HNF1B: variants seen among roughly 807,000 people sequenced by gnomAD.
HNF1B encodes hepatocyte nuclear factor 1-beta.
Under a neutral mutation model 61.7 loss-of-function variants are expected in HNF1B, and 8 were observed. The observed-to-expected ratio is 0.13, with a 90% CI of 0.08 to 0.23. The LOEUF (loss-of-function observed/expected upper bound fraction) is 0.23, where lower values mean the gene tolerates loss of function less well. Ranked by LOEUF, HNF1B falls within the 10% of genes least tolerant of loss-of-function variation. HNF1B has a pLI of 1.00. For missense variants in HNF1B, 562 were observed against 714.5 expected, an observed-to-expected ratio of 0.79 and a Z score of 2.43; for synonymous variants, 314 against 287.7, an observed-to-expected ratio of 1.09 and a Z score of -0.93.
intron 2 of HNF1B, 86 bp from the exon 3 acceptor site, chr17:37,733,907 A>G (rs2033762964): frequency 6.8e-7 from 1 of 1,477,544 alleles, no homozygotes; most frequent in East Asian, 2.3e-5. Flanking sequence ...ACGGACGAAG[A>G]CACCTTTATT....
intron 2 of HNF1B, among the ~76,000 whole-genome samples, chr17:37,738,010 G>T (rs992482571): frequency 2.0e-5 from 3 of 152,154 alleles, no homozygotes; most frequent in African/African-American, 7.2e-5. Context: ...CCTTTCTGAA[G>T]AAATTCTCAT....
In HNF1B at chr17:37,744,976, G is replaced by A; in HGVS notation, c.-92C>T. 8.9e-7 allele frequency: 1 copy of A among 1,120,704 alleles called. No individual in the cohort carries two copies. Among genetic ancestry groups the A allele is most frequent in the South Asian group, 1.4e-5 (1 of 71,280 alleles). The allele number at this position is 1,120,704 out of a possible 1,614,324, so 69.4% of individuals were successfully genotyped here. On this transcript the variant is annotated 5_prime_UTR_variant, in exon 1 of 9. Coordinates refer to ENST00000617811, the MANE Select transcript of HNF1B (RefSeq NM_000458.4). ...GTTTCACAAGCAAACCCCAAATCCAGGAACCCCTCCACCCTTCAGCCTCCA... is the reference window on the plus strand; with the variant it reads ...GTTTCACAAGCAAACCCCAAATCCAAGAACCCCTCCACCCTTCAGCCTCCA...
intron 4 of HNF1B, among the ~76,000 whole-genome samples, chr17:37,711,253 G>A (rs957213321): frequency 1.3e-5 from 2 of 152,218 alleles, no homozygotes; most frequent in African/African-American, 4.8e-5. Flanking sequence ...CACAGGCAGA[G>A]CAGGACAGGG....
chr17:37,713,839 CCT>C (rs1358504423), intron 4 of HNF1B, among the ~76,000 whole-genome samples: 3 of 152,210 alleles, frequency 2.0e-5, no homozygotes, highest in Admixed American at 6.5e-5. Flanking sequence ...ATCACTGGCC[CCT>C]GAGAGGGTGG....
At chr17:37,701,215 G>A (rs2032560443) in intron 6 of HNF1B, 38 bp from the exon 7 acceptor site, 3 of 1,536,674 alleles carry the variant, frequency 2.0e-6, no homozygotes, top group Non-Finnish European at 2.6e-6. Context: ...GACAGCTCCT[G>A]GGATAAGGAG....
chr17:37,707,770 T>TC (rs201708155), intron 5 of HNF1B, among the ~76,000 whole-genome samples: 4 of 100,338 alleles, frequency 4.0e-5, no homozygotes, highest in Non-Finnish European at 7.8e-5. Flanking sequence ...GTTCTCTCTC[T>TC]TTTTTTTTTT....
chr17:37,695,552 A>G (rs4635384), intron 8 of HNF1B, among the ~76,000 whole-genome samples: 72,210 of 152,140 alleles, frequency 0.47, 19,096 homozygotes, highest in African/African-American at 0.72. Context: ...TCTAGACCTC[A>G]GAATGGTAAA....
intron 4 of HNF1B, among the ~76,000 whole-genome samples, chr17:37,727,842 G>A (rs1312781286): frequency 6.6e-6 from 1 of 152,158 alleles, no homozygotes; most frequent in Non-Finnish European, 1.5e-5. Context: ...GGTGCTGCCA[G>A]CCCTCCTGGC....
intron 7 of HNF1B, 111 bp downstream of exon 7, chr17:37,700,872 G>A (rs955848482): frequency 1.0e-6 from 1 of 1,002,770 alleles, no homozygotes; most frequent in Non-Finnish European, 1.5e-6. Context: ...CATAGGCAGG[G>A]AAAAGTGACC....
At chr17:37,730,014 A>ACCTGCTCCCTGTC (rs1555829031) in intron 4 of HNF1B, 1 of 153,126 alleles carries the variant, frequency 6.5e-6, no homozygotes, top group African/African-American at 2.4e-5. Flanking sequence ...TCCTGTCAGC[A>ACCTGCTCCCTGTC]CACAGGATGC....
chr17:37,743,821 G>A (rs1333663407), intron 1 of HNF1B, among the ~76,000 whole-genome samples: 1 of 152,234 alleles, frequency 6.6e-6, no homozygotes, highest in African/African-American at 2.4e-5. Context: ...TTCTCAGACT[G>A]AGACCAGATC....
intron 2 of HNF1B, among the ~76,000 whole-genome samples, chr17:37,737,302 T>C (rs768947803): frequency 1.3e-5 from 2 of 152,212 alleles, no homozygotes; most frequent in Non-Finnish European, 1.5e-5. Flanking sequence ...CCAGGCAATT[T>C]AGCAATTCCT....
chr17:37,700,670 T>A (rs372704129), intron 7 of HNF1B, among the ~76,000 whole-genome samples: 1 of 152,300 alleles, frequency 6.6e-6, no homozygotes, highest in East Asian at 1.9e-4. Flanking sequence ...CGCGATCTTT[T>A]CCAGAGGTGT....
chr17:37,691,158 A>G (rs1456557020), intron 8 of HNF1B, among the ~76,000 whole-genome samples: 1 of 152,194 alleles, frequency 6.6e-6, no homozygotes, highest in East Asian at 1.9e-4. Flanking sequence ...CATTGGTTTC[A>G]GCAGCATGGA....
chr17:37,693,697 G>A (rs2032283365), intron 8 of HNF1B, among the ~76,000 whole-genome samples: 1 of 152,188 alleles, frequency 6.6e-6, no homozygotes. Context: ...CTAGTGATAT[G>A]GTTTAGATGT....
intron 4 of HNF1B, among the ~76,000 whole-genome samples, chr17:37,721,678 C>T (rs1354167835): frequency 6.6e-6 from 1 of 151,752 alleles, no homozygotes; most frequent in Non-Finnish European, 1.5e-5. Context: ...TCCATCTGGC[C>T]TAGTAATGTC....
At chr17:37,740,139 T>TTTTA (rs1234955577) in intron 1 of HNF1B, among the ~76,000 whole-genome samples, 2 of 151,980 alleles carry the variant, frequency 1.3e-5, no homozygotes, top group Non-Finnish European at 2.9e-5. Flanking sequence ...CAGCTAAATT[T>TTTTA]TTTATTTTTA....
intron 4 of HNF1B, among the ~76,000 whole-genome samples, chr17:37,719,104 A>C (rs934324564): frequency 8.7e-6 from 1 of 114,328 alleles, no homozygotes; most frequent in African/African-American, 3.7e-5. Flanking sequence ...ATGCCTGGCT[A>C]ATTTATTAAT....
At position 37,731,674 on chromosome 17, in the gene HNF1B, C is replaced by G; in HGVS notation, c.966G>C (p.Gln322His). 1 of 1,614,114 alleles carries G rather than the reference C, an allele frequency of 6.2e-7. No homozygotes were observed. Among genetic ancestry groups the G allele is most frequent in the Non-Finnish European group, 8.5e-7 (1 of 1,180,020 alleles). ...AGAGCAGAGGGTTCAGGCTGTGAGT[C>G]TGGTTGGAGCTATAGGCGTCCATGG... ...KLAMDAYSSN[Q>H]THSLNPLLSH... Residue 322 changes from glutamine (Q) to histidine (H), a missense_variant, in exon 4 of 9, where the codon CAG (glutamine) becomes CAC (histidine). Coordinates refer to ENST00000617811, the MANE Select transcript of HNF1B (RefSeq NM_000458.4).
Sources: allele counts gnomAD v4.1 joint callset (sites outside exome capture counted in the v4.1 genomes callset), GRCh38; gene constraint gnomAD v4.1.1; transcripts MANE v1.5; gene names NCBI Gene and HGNC (gene_info 2026-07-23, HGNC 2026-07-21).